The following DNMT3A variants were observed in gnomAD, a reference collection of about 807,000 sequenced individuals.
DNMT3A encodes the protein DNA methyltransferase 3 alpha, also known as DNA (cytosine-5)-methyltransferase 3A.
DNMT3A carries 267 observed loss-of-function variants against 117.6 expected under a neutral mutation model. The observed-to-expected ratio is 2.27, with a 90% CI of 2.05 to 2.51. The LOEUF (loss-of-function observed/expected upper bound fraction) is 2.51, where lower values mean the gene tolerates loss of function less well. Ranked by LOEUF, DNMT3A falls within the 30% of genes most tolerant of loss-of-function variation. The pLI is 0.00. For synonymous variants in DNMT3A, 432 were observed against 474.8 expected, an observed-to-expected ratio of 0.91 and a Z score of 1.17; for missense variants, 1,029 against 1,260.2, an observed-to-expected ratio of 0.82 and a Z score of 2.78.
intron 20 of DNMT3A, among the ~76,000 whole-genome samples, chr2:25,238,281 C>G (rs911317087): frequency 3.9e-5 from 6 of 152,208 alleles, no homozygotes; most frequent in Non-Finnish European, 8.8e-5. Flanking sequence ...CCCTCGATAG[C>G]AACTCTACCA....
rs1174392816 is a variant in DNMT3A at position 25,233,746 on chromosome 2, C to CA, written c.*532dup. ...TCCTATCTGATCAGGCTAGAGACAA[C>CA]AAAAAAAAGATATATAGTAAAAAAA... On this transcript the variant is annotated 3_prime_UTR_variant, in exon 23 of 23. Transcript: ENST00000321117. The CA allele has an allele frequency of 1.0e-3, 32 of 31,902 alleles. No individual in the cohort carries two copies. Among genetic ancestry groups the CA allele is most frequent in the Admixed American group, 2.4e-3 (4 of 1,690 alleles). The allele number at this position is 31,902 out of a possible 1,614,324, so 2.0% of individuals were successfully genotyped here. A position where few individuals can be genotyped will look rare whatever the true frequency, so the allele number is the denominator to read the frequency against.
At chr2:25,264,806 G>A (rs933506470) in intron 6 of DNMT3A, among the ~76,000 whole-genome samples, 5 of 152,270 alleles carry the variant, frequency 3.3e-5, no homozygotes, top group African/African-American at 1.2e-4. Flanking sequence ...GCCTTTAGAA[G>A]AGACGTATAT....
At chr2:25,253,450 C>T (rs529151514) in intron 6 of DNMT3A, among the ~76,000 whole-genome samples, 1 of 152,250 alleles carries the variant, frequency 6.6e-6, no homozygotes, top group East Asian at 1.9e-4. Context: ...TCCAGGTGAG[C>T]CGACTGGGCC....
rs888612306 is a variant in DNMT3A at position 25,314,282 on chromosome 2, C to T, written c.-177-121G>A. 110 of 1,240,976 alleles carry T rather than the reference C, an allele frequency of 8.9e-5. 2 individuals carry two copies. The highest frequency in any genetic ancestry group is 1.2e-4 in the Admixed American group (3 of 24,806). 76.9% of individuals were successfully genotyped at this position (1,240,976 alleles called of 1,614,324 possible). Reference sequence around the variant, plus strand: ...GGTGTTGCTCCTCCTTCTGGCCTCACCAGCACCCCAGAGAGCAGAGAAACC... The same window carrying T: ...GGTGTTGCTCCTCCTTCTGGCCTCATCAGCACCCCAGAGAGCAGAGAAACC... On this transcript the variant is annotated intron_variant, in intron 1 of 22. Transcript: ENST00000321117.
At chr2:25,301,759 T>C (rs1360149950) in intron 2 of DNMT3A, among the ~76,000 whole-genome samples, 1 of 152,092 alleles carries the variant, frequency 6.6e-6, no homozygotes, top group Non-Finnish European at 1.5e-5. Context: ...CCCTGCACGA[T>C]GTCAGGAGCC....
At chr2:25,277,346 T>C (rs1299324503) in intron 4 of DNMT3A, among the ~76,000 whole-genome samples, 1 of 152,128 alleles carries the variant, frequency 6.6e-6, no homozygotes, top group African/African-American at 2.4e-5. Context: ...AGGCCAGGGC[T>C]TCCCCCTCCT....
At chr2:25,288,075 A>T (rs1393857128) in intron 3 of DNMT3A, among the ~76,000 whole-genome samples, 4 of 150,312 alleles carry the variant, frequency 2.7e-5, no homozygotes, top group African/African-American at 4.9e-5. Flanking sequence ...ACCTCAGGTG[A>T]TCCACCCACC....
chr2:25,319,111 T>C (rs1333717158), intron 1 of DNMT3A, among the ~76,000 whole-genome samples: 2 of 149,602 alleles, frequency 1.3e-5, no homozygotes, highest in African/African-American at 2.5e-5. Flanking sequence ...ACCTCCCGGG[T>C]TCATGCCATT....
intron 1 of DNMT3A, among the ~76,000 whole-genome samples, chr2:25,341,345 C>T (rs1220941278): frequency 2.1e-5 from 3 of 145,244 alleles, no homozygotes; most frequent in African/African-American, 7.4e-5. Flanking sequence ...CCTTCTGGGT[C>T]GGGGTCCGCG....
In DNMT3A at chr2:25,246,051, G is replaced by A. The variant is rs145465364; in HGVS notation, c.1443C>T (p.Tyr481=). Residue 481 remains tyrosine (Y), a synonymous_variant, in exon 12 of 23, where the codon TAC becomes TAT. Coordinates refer to ENST00000321117, the MANE Select transcript of DNMT3A (RefSeq NM_022552.5). ...TGTTCCGGCACTTCTGCCGCACCTCGTACACCAGCCGCTCTGCAAGGGGAG... is the reference window on the plus strand; with the variant it reads ...TGTTCCGGCACTTCTGCCGCACCTCATACACCAGCCGCTCTGCAAGGGGAG... The part of the protein sequence containing the change: ...IDERTRERLV[Y]EVRQKCRNIE... 6.8e-5 allele frequency: 110 copies of A among 1,614,004 alleles called. No individual in the cohort carries two copies. In the African/African-American group the frequency reaches 1.3e-3, roughly 19 times the overall value.
chr2:25,263,453 C>G (rs1676775476), intron 6 of DNMT3A, among the ~76,000 whole-genome samples: 1 of 152,040 alleles, frequency 6.6e-6, no homozygotes, highest in Non-Finnish European at 1.5e-5. Context: ...TCCAATTGGT[C>G]TCCCCCTACC....
At position 25,236,347 on chromosome 2, in the gene DNMT3A, G is replaced by A. The variant is rs1228824753; in HGVS notation, c.2479-522C>T. On this transcript the variant is annotated intron_variant, in intron 21 of 22. Transcript: ENST00000321117. This position sits in a 1 kb window ranked among gnomAD's most constrained non-coding sequence, Gnocchi z 4.5. ...CCCAAAGTATTGGGATTATAGGCGT[G>A]AGCCACCGCACCCGGCCTAGCCACA... 6.6e-6 allele frequency among the ~76,000 whole-genome samples: 1 copy of A among 152,242 alleles called. No individual in the cohort carries two copies. Among genetic ancestry groups the A allele is most frequent in the Non-Finnish European group, 1.5e-5 (1 of 68,046 alleles).
chr2:25,332,069 C>T (rs901822722), intron 1 of DNMT3A, among the ~76,000 whole-genome samples: 2 of 152,238 alleles, frequency 1.3e-5, no homozygotes, highest in African/African-American at 4.8e-5. Flanking sequence ...CACATTGCTG[C>T]CCCGGACTTC....
Position 25,293,484 on chromosome 2 carries a change from T to G in DNMT3A, c.177+6655A>C, listed in dbSNP as rs1458365201. Among the ~76,000 whole-genome samples the G allele has an allele frequency of 6.6e-6, 1 of 152,106 alleles. No homozygotes were observed. Among genetic ancestry groups the G allele is most frequent in the Non-Finnish European group, 1.5e-5 (1 of 68,028 alleles). On this transcript the variant is annotated intron_variant, in intron 3 of 22. Transcript: ENST00000321117. The surrounding 1 kb of genome is among the most constrained non-coding windows in gnomAD (Gnocchi z 4.7). ...TGCAAACTACCTTTCCAATCAAGAT[T>G]GAGAAGATTTTTCTTCTTTCTTTGA...
At chr2:25,250,702 G>A (rs1675419716) in intron 6 of DNMT3A, among the ~76,000 whole-genome samples, 1 of 152,222 alleles carries the variant, frequency 6.6e-6, no homozygotes, top group African/African-American at 2.4e-5. Context: ...CGCCCACCAC[G>A]CCTTCTCAAG....
intron 2 of DNMT3A, among the ~76,000 whole-genome samples, chr2:25,307,817 C>T (rs13425565): frequency 1.9e-3 from 296 of 152,264 alleles, no homozygotes; most frequent in African/African-American, 6.9e-3. Flanking sequence ...TGGCCCTGGG[C>T]GACTCACCTT....
In DNMT3A at chr2:25,296,067, T is replaced by G. The variant is rs1432150136; in HGVS notation, c.177+4072A>C. On this transcript the variant is annotated intron_variant, in intron 3 of 22. Coordinates refer to ENST00000321117, the MANE Select transcript of DNMT3A (RefSeq NM_022552.5). The surrounding 1 kb of genome is among the most constrained non-coding windows in gnomAD (Gnocchi z 4.2). ...ATGTGGCAACATTGTCACACACACA[T>G]AAAAGCTTCTGAATAGTTATACTCA... Among the ~76,000 whole-genome samples the G allele has an allele frequency of 6.6e-6, 1 of 152,214 alleles. No homozygotes were observed. The highest frequency in any genetic ancestry group is 1.5e-5 in the Non-Finnish European group (1 of 68,042).
At chr2:25,287,686 T>G in intron 3 of DNMT3A, among the ~76,000 whole-genome samples, 1 of 151,278 alleles carries the variant, frequency 6.6e-6, no homozygotes, top group African/African-American at 2.4e-5. Flanking sequence ...ATCTAGTGAG[T>G]AGAGGCTAGG....
chr2:25,299,480 T>A (rs1403598210), intron 3 of DNMT3A, among the ~76,000 whole-genome samples: 3 of 152,206 alleles, frequency 2.0e-5, no homozygotes, highest in Non-Finnish European at 4.4e-5. Flanking sequence ...TCATAGATAG[T>A]CCAGGGAGAT....
Sources: gnomAD v4.1 joint callset for allele counts (sites outside exome capture counted in the v4.1 genomes callset) on GRCh38, gnomAD v4.1.1 for gene constraint, Gnocchi (gnomAD v3.1) non-coding constraint, MANE v1.5 for transcripts, NCBI Gene and HGNC (gene_info 2026-07-23, HGNC 2026-07-21) for gene names.